KYNU: variants seen among roughly 807,000 people sequenced by gnomAD.
KYNU encodes L-kynurenine hydrolase.
A neutral mutation model predicts 59.2 loss-of-function variants in KYNU; 54 were observed. The observed-to-expected ratio is 0.91, with a 90% confidence interval of 0.73 to 1.14. The LOEUF (loss-of-function observed/expected upper bound fraction) is 1.14. KYNU is among the 50% of genes most tolerant of loss of function. KYNU has a pLI of 0.00. For missense variants in KYNU, 567 were observed against 554.4 expected, an observed-to-expected ratio of 1.02 and a Z score of -0.23; for synonymous variants, 177 against 192.0, an observed-to-expected ratio of 0.92 and a Z score of 0.65.
intron 10 of KYNU, among the ~76,000 whole-genome samples, chr2:143,006,061 G>A (rs1006655951): frequency 3.3e-5 from 5 of 152,156 alleles, no homozygotes; most frequent in Non-Finnish European, 7.3e-5. Flanking sequence ...AGCCAAGATG[G>A]CCGAATAGGA....
chr2:142,986,676 C>T (rs1685211466), intron 10 of KYNU, among the ~76,000 whole-genome samples: 1 of 150,978 alleles, frequency 6.6e-6, no homozygotes, highest in Non-Finnish European at 1.5e-5. Context: ...GTTCCTTTTA[C>T]TTTTTTCTGG....
Position 143,042,701 on chromosome 2 carries a change from T to C in KYNU, c.*529T>C, listed in dbSNP as rs1687094868. The C allele has an allele frequency of 7.0e-6, 1 of 142,484 alleles. No individual in the cohort carries two copies. Among genetic ancestry groups the C allele is most frequent in the African/African-American group, 2.6e-5 (1 of 38,908 alleles). The allele number at this position is 142,484 out of a possible 1,614,324, so 8.8% of individuals were successfully genotyped here. A position where few individuals can be genotyped will look rare whatever the true frequency, so the allele number is the denominator to read the frequency against. On this transcript the variant is annotated 3_prime_UTR_variant, in exon 14 of 14. Transcript: ENST00000264170. Reference sequence around the variant, plus strand: ...TATGATAGTGGCTTTCAAATTTTTTTGGGTACAATCCACATTGCTCCTGCT... The same window carrying C: ...TATGATAGTGGCTTTCAAATTTTTTCGGGTACAATCCACATTGCTCCTGCT...
At position 143,051,080 on chromosome 2, in the gene KYNU, A is replaced by C. The variant is rs1687258594; in HGVS notation, c.*8908A>C. ...TCAGCAAGATTTAGTCTCAAATAAC[A>C]CAATAATAATGGAGGTCATTGTGAA... On this transcript the variant is annotated 3_prime_UTR_variant, in exon 14 of 14. Transcript: ENST00000264170. 1 of 152,208 alleles carries C rather than the reference A, an allele frequency of 6.6e-6. No homozygotes were observed. Among genetic ancestry groups the C allele is most frequent in the Non-Finnish European group, 1.5e-5 (1 of 68,032 alleles). 9.4% of individuals were successfully genotyped at this position (152,208 alleles called of 1,614,324 possible).
At chr2:143,027,854 G>A (rs998952907) in intron 10 of KYNU, among the ~76,000 whole-genome samples, 1 of 151,906 alleles carries the variant, frequency 6.6e-6, no homozygotes, top group African/African-American at 2.4e-5. Flanking sequence ...TGTATTTACC[G>A]TCATATCTCA....
At chr2:142,881,382 A>G (rs919389845) in intron 1 of KYNU, 1 of 152,242 alleles carries the variant, frequency 6.6e-6, no homozygotes, top group Non-Finnish European at 1.5e-5. Context: ...GACCATCGAC[A>G]GTTGAGAAAA....
At chr2:143,030,817 A>G (rs996709814) in intron 11 of KYNU, among the ~76,000 whole-genome samples, 25 of 152,158 alleles carry the variant, frequency 1.6e-4, no homozygotes. Context: ...AATGCATTTA[A>G]TACACCTAAT....
chr2:143,006,421 G>A lies in KYNU; in HGVS notation c.902+20400G>A, dbSNP rs562913329. Among the ~76,000 whole-genome samples, 74 of 150,536 alleles carry A rather than the reference G, an allele frequency of 4.9e-4. 2 individuals carry two copies. The East Asian group carries it at 0.011, about 22-fold the overall frequency. The stretch of plus-strand genomic sequence containing the variant: ...GAGGGTCCTACGCCCATGGAATCTC[G>A]CTGATTGCTAGCACAGCAGTCTGAG... On this transcript the variant is annotated intron_variant, in intron 10 of 13. Transcript: ENST00000264170.
chr2:142,903,560 TC>T (rs1682182429), intron 2 of KYNU, among the ~76,000 whole-genome samples: 1 of 151,794 alleles, frequency 6.6e-6, no homozygotes, highest in South Asian at 2.1e-4. Flanking sequence ...GAGACAGTTG[TC>T]CAGGACAGGA....
At chr2:142,920,195 T>C (rs1323954981) in intron 3 of KYNU, among the ~76,000 whole-genome samples, 1 of 152,210 alleles carries the variant, frequency 6.6e-6, no homozygotes, top group Non-Finnish European at 1.5e-5. Flanking sequence ...AGAATGATAG[T>C]TTATATAATT....
intron 4 of KYNU, among the ~76,000 whole-genome samples, chr2:142,941,601 T>G (rs1389868200): frequency 6.6e-6 from 1 of 152,212 alleles, no homozygotes; most frequent in African/African-American, 2.4e-5. Flanking sequence ...TTCAGTGGTC[T>G]GGGTTGTAAA....
chr2:142,909,423 C>T (rs1472665847), intron 2 of KYNU, among the ~76,000 whole-genome samples: 2 of 151,840 alleles, frequency 1.3e-5, no homozygotes, highest in East Asian at 3.8e-4. Context: ...CTGTGTGATG[C>T]CAAGGTTTTG....
At chr2:143,019,878 G>A (rs1215755214) in intron 10 of KYNU, among the ~76,000 whole-genome samples, 1 of 151,846 alleles carries the variant, frequency 6.6e-6, no homozygotes, top group Non-Finnish European at 1.5e-5. Flanking sequence ...GTGCATCCAG[G>A]AATTTATTAA....
intron 1 of KYNU, among the ~76,000 whole-genome samples, chr2:142,880,083 C>T (rs1681240392): frequency 6.6e-6 from 1 of 152,130 alleles, no homozygotes; most frequent in Non-Finnish European, 1.5e-5. Context: ...TCAAATAATT[C>T]ATCAACCAAT....
At position 142,989,297 on chromosome 2, in the gene KYNU, T is replaced by C. The variant is rs113803554; in HGVS notation, c.902+3276T>C. The stretch of plus-strand genomic sequence containing the variant: ...GCATTCCACGATTAGCTGGTTTAAC[T>C]ATGTTTAATAAGCCTTCTGTCATCT... On this transcript the variant is annotated intron_variant, in intron 10 of 13. Transcript: ENST00000264170. The C allele has an allele frequency of 4.0e-5, 32 of 809,608 alleles. 3 individuals are homozygous for C. The African/African-American group carries it at 4.6e-4, about 12-fold the overall frequency. 50.2% of individuals were successfully genotyped at this position (809,608 alleles called of 1,614,324 possible). A position where few individuals can be genotyped will look rare whatever the true frequency, so the allele number is the denominator to read the frequency against.
rs1009040960 is a variant in KYNU at position 142,994,157 on chromosome 2, T to A, written c.902+8136T>A. On this transcript the variant is annotated intron_variant, in intron 10 of 13. Coordinates refer to ENST00000264170, the MANE Select transcript of KYNU (RefSeq NM_003937.3). ...CATGTGTTCTTGTTTAGAACATACA[T>A]GTATCCATCTGGCTTTTTATGATTT... Among the ~76,000 whole-genome samples the A allele has an allele frequency of 2.0e-5, 3 of 152,000 alleles. No individual in the cohort carries two copies. The South Asian group carries it at 6.2e-4, about 31-fold the overall frequency.
chr2:142,968,524 T>C lies in KYNU; in HGVS notation c.729+7754T>C, dbSNP rs550955756. Among the ~76,000 whole-genome samples the C allele has an allele frequency of 4.6e-5, 7 of 152,308 alleles. No individual in the cohort carries two copies. The South Asian group carries it at 1.5e-3, about 32-fold the overall frequency. On this transcript the variant is annotated intron_variant, in intron 8 of 13. Transcript: ENST00000264170. Reference sequence around the variant, plus strand: ...CAAAGAGCCATATTTATATTAATTTTACAAAGAAATATCCTGCATATGGTG... The same window carrying C: ...CAAAGAGCCATATTTATATTAATTTCACAAAGAAATATCCTGCATATGGTG...
chr2:142,965,969 C>T (rs1026165789), intron 8 of KYNU, among the ~76,000 whole-genome samples: 44 of 151,840 alleles, frequency 2.9e-4, no homozygotes, highest in Non-Finnish European at 1.0e-4. Flanking sequence ...CTCTCCCTTG[C>T]TCTCTCTCTT....
rs998080405 is a variant in KYNU at position 143,050,839 on chromosome 2, A to AT, written c.*8674dup. 4 of 152,168 alleles carry AT rather than the reference A, an allele frequency of 2.6e-5. No homozygotes were observed. The highest frequency in any genetic ancestry group is 2.9e-5 in the Non-Finnish European group (2 of 68,040). 9.4% of individuals were successfully genotyped at this position (152,168 alleles called of 1,614,324 possible). ...ATAAACTGAAGTTGTTAGAACATTGATTTTTTTAAGTAAATGGATTTTTGC... is the reference window on the plus strand; with the variant it reads ...ATAAACTGAAGTTGTTAGAACATTGATTTTTTTTAAGTAAATGGATTTTTGC... On this transcript the variant is annotated 3_prime_UTR_variant, in exon 14 of 14. Transcript: ENST00000264170.
chr2:142,877,908 C>A (rs1681152481), intron 1 of KYNU, among the ~76,000 whole-genome samples, 172 bp downstream of exon 1: 2 of 152,028 alleles, frequency 1.3e-5, no homozygotes, highest in Admixed American at 1.3e-4. Context: ...GTATGACCTT[C>A]CTAAAGGCCC....
Sources: gnomAD v4.1 joint callset for allele counts (sites outside exome capture counted in the v4.1 genomes callset) on GRCh38, gnomAD v4.1.1 for gene constraint, MANE v1.5 for transcripts, NCBI Gene and HGNC (gene_info 2026-07-23, HGNC 2026-07-21) for gene names.